Variants in C9 observed in about 807,000 individuals in gnomAD.
The protein encoded by C9 is complement component C9.
C9 carries 63 observed loss-of-function variants against 65.4 expected under a neutral mutation model. The observed-to-expected ratio is 0.96, with a 90% CI of 0.79 to 1.19. The LOEUF (loss-of-function observed/expected upper bound fraction) is 1.19, where lower values mean the gene tolerates loss of function less well. C9 is among the 50% of genes most tolerant of loss of function. C9 has a pLI of 0.00. For missense variants in C9, 744 were observed against 670.1 expected (o/e 1.11, Z -1.22); for synonymous variants, 229 against 227.9 (o/e 1.00, Z -0.04).
intron 6 of C9, among the ~76,000 whole-genome samples, chr5:39,313,293 C>T (rs1197785851): frequency 6.6e-6 from 1 of 152,082 alleles, no homozygotes; most frequent in African/African-American, 2.4e-5. Flanking sequence ...ATTATTCATG[C>T]TTCTGACCTC....
intron 5 of C9, among the ~76,000 whole-genome samples, chr5:39,330,425 T>C (rs1312115251): frequency 6.6e-6 from 1 of 152,170 alleles, no homozygotes; most frequent in Admixed American, 6.5e-5. Flanking sequence ...GTACAAGTTA[T>C]TACCCCTCTG....
chr5:39,288,954 G>A lies in C9; in HGVS notation c.1417-3C>T. 1 of 1,514,616 alleles carries A rather than the reference G, an allele frequency of 6.6e-7. No individual in the cohort carries two copies. The highest frequency in any genetic ancestry group is 9.2e-7 in the Non-Finnish European group (1 of 1,090,108). 93.8% of individuals were successfully genotyped at this position (1,514,616 alleles called of 1,614,324 possible). On this transcript the variant is annotated splice_polypyrimidine_tract_variant and splice_region_variant and intron_variant, in intron 9 of 10. Transcript: ENST00000263408. ...ACCAGATTATATATAGGAGACAGCT[G>A]AAAGGAAGCAAAACATTTAATTTTA... is the stretch of plus-strand genomic sequence containing the variant.
chr5:39,348,424 T>C (rs1304229843), intron 1 of C9, among the ~76,000 whole-genome samples: 1 of 152,116 alleles, frequency 6.6e-6, no homozygotes, highest in Non-Finnish European at 1.5e-5. Flanking sequence ...GAAAAAATGC[T>C]CATCATCACT....
At chr5:39,332,621 T>A (rs775015889) in intron 4 of C9, among the ~76,000 whole-genome samples, 2 of 152,230 alleles carry the variant, frequency 1.3e-5, no homozygotes, top group Non-Finnish European at 2.9e-5. Context: ...GTATCTGGAA[T>A]AAACGGCCCC....
At chr5:39,331,582 T>A (rs376966233) in intron 5 of C9, 94 bp downstream of exon 5, 84 of 1,036,196 alleles carry the variant, frequency 8.1e-5, no homozygotes, top group Admixed American at 1.7e-4. Flanking sequence ...AAATTATTAT[T>A]CTACTGAGTT....
chr5:39,308,328 A>T lies in C9; in HGVS notation c.1142T>A (p.Leu381His), dbSNP rs1561337436. The T allele has an allele frequency of 6.3e-7, 1 of 1,599,972 alleles. No individual in the cohort carries two copies. Among genetic ancestry groups the T allele is most frequent in the Non-Finnish European group, 8.6e-7 (1 of 1,167,172 alleles). ...CAGAGATACATCCAGATGATACCCA[A>T]GGCATCTCTTTATGTCTTTTAGTTC... ...GVELKDIKRCLGYHLDVSLAF... is the reference protein window; with the variant it reads ...GVELKDIKRCHGYHLDVSLAF... The change falls in exon 8 of 11, where the codon CTT (leucine) becomes CAT (histidine). Residue 381 changes from leucine (L) to histidine (H), a missense_variant. Transcript: ENST00000263408.
chr5:39,334,144 C>T (rs1171398561), intron 4 of C9, among the ~76,000 whole-genome samples: 3 of 149,890 alleles, frequency 2.0e-5, no homozygotes, highest in Non-Finnish European at 3.0e-5. Flanking sequence ...TCTGCCCGGC[C>T]GCCATCCCAC....
At chr5:39,347,375 A>G (rs1414114917) in intron 1 of C9, among the ~76,000 whole-genome samples, 1 of 152,186 alleles carries the variant, frequency 6.6e-6, no homozygotes, top group East Asian at 1.9e-4. Flanking sequence ...TTACACACCA[A>G]TAACAGACAA....
At chr5:39,316,615 A>G (rs1278599532) in intron 5 of C9, among the ~76,000 whole-genome samples, 1 of 152,046 alleles carries the variant, frequency 6.6e-6, no homozygotes, top group African/African-American at 2.4e-5. Flanking sequence ...TTCTGTTCCT[A>G]TGTTAATGTG....
intron 5 of C9, among the ~76,000 whole-genome samples, chr5:39,331,114 G>A (rs696758): frequency 0.13 from 19,921 of 152,124 alleles, 1,908 homozygotes; most frequent in African/African-American, 0.27. Context: ...TAATGGTGGA[G>A]GGCTACAGTC....
intron 9 of C9, among the ~76,000 whole-genome samples, chr5:39,303,292 A>C (rs1265187812): frequency 6.6e-6 from 1 of 152,060 alleles, no homozygotes; most frequent in Non-Finnish European, 1.5e-5. Flanking sequence ...TGACAAAAGT[A>C]AGTACTGAAA....
chr5:39,308,966 T>C (rs1023369454), intron 7 of C9, among the ~76,000 whole-genome samples: 4 of 152,142 alleles, frequency 2.6e-5, no homozygotes, highest in African/African-American at 9.7e-5. Context: ...ACTCAGTTCA[T>C]CCTTAATGTA....
intron 1 of C9, among the ~76,000 whole-genome samples, chr5:39,345,269 A>G (rs937022861): frequency 2.0e-5 from 3 of 152,226 alleles, no homozygotes; most frequent in Non-Finnish European, 4.4e-5. Flanking sequence ...TGCTGTATTC[A>G]GGAGACCCAT....
chr5:39,344,365 C>T (rs375116978), intron 1 of C9, among the ~76,000 whole-genome samples: 29 of 152,252 alleles, frequency 1.9e-4, no homozygotes, highest in African/African-American at 6.3e-4. Context: ...ACGAGAACTA[C>T]GTGATGAATG....
At chr5:39,302,872 A>T (rs1401620961) in intron 9 of C9, among the ~76,000 whole-genome samples, 1 of 152,182 alleles carries the variant, frequency 6.6e-6, no homozygotes, top group African/African-American at 2.4e-5. Context: ...CAGGTAGAAG[A>T]ACTCACCTGA....
intron 9 of C9, among the ~76,000 whole-genome samples, chr5:39,296,846 A>G (rs1371687716): frequency 1.3e-5 from 2 of 151,354 alleles, no homozygotes. Context: ...AAAGCTAAAC[A>G]CCGCATGTTT....
chr5:39,347,567 A>G (rs936042828), intron 1 of C9, among the ~76,000 whole-genome samples: 1 of 152,212 alleles, frequency 6.6e-6, no homozygotes, highest in Non-Finnish European at 1.5e-5. Flanking sequence ...GATAGGAAGA[A>G]TCAATATCGT....
chr5:39,347,802 G>C (rs1360594033), intron 1 of C9, among the ~76,000 whole-genome samples: 1 of 152,118 alleles, frequency 6.6e-6, no homozygotes, highest in Non-Finnish European at 1.5e-5. Flanking sequence ...AAACAGCATG[G>C]TACTGGTACC....
At chr5:39,336,982 G>A (rs924664638) in intron 4 of C9, among the ~76,000 whole-genome samples, 5 of 148,854 alleles carry the variant, frequency 3.4e-5, no homozygotes, top group African/African-American at 1.2e-4. Context: ...GTTGTGTCTT[G>A]TTTTTTTTTT....
Sources: allele counts gnomAD v4.1 joint callset (sites outside exome capture counted in the v4.1 genomes callset), GRCh38; gene constraint gnomAD v4.1.1; transcripts MANE v1.5; gene names NCBI Gene and HGNC (gene_info 2026-07-23, HGNC 2026-07-21).